Variants in PTPRQ observed in about 807,000 individuals in gnomAD.
PTPRQ encodes the protein phosphatidylinositol phosphatase PTPRQ.
Under a neutral mutation model 246.0 loss-of-function variants are expected in PTPRQ, and 199 were observed. The observed-to-expected ratio is 0.81, with a 90% confidence interval of 0.72 to 0.91. The LOEUF is 0.91. PTPRQ is among the 40% of genes least tolerant of loss of function. The probability of loss-of-function intolerance (pLI) is 0.00; values close to 1 mark genes in which losing one functional copy is unlikely to be tolerated. For synonymous variants in PTPRQ, 869 were observed against 853.2 expected (o/e 1.02, Z -0.32); for missense variants, 2,624 against 2,528.4 (o/e 1.04, Z -0.81).
At chr12:80,477,909 C>T (rs1413516218) in intron 8 of PTPRQ, among the ~76,000 whole-genome samples, 1 of 152,198 alleles carries the variant, frequency 6.6e-6, no homozygotes, top group South Asian at 2.1e-4. Context: ...ATTGCTAGTA[C>T]AGCAGTCTGA....
intron 17 of PTPRQ, among the ~76,000 whole-genome samples, chr12:80,520,135 G>A (rs567260227): frequency 2.0e-5 from 3 of 151,950 alleles, no homozygotes; most frequent in African/African-American, 7.2e-5. Flanking sequence ...TCAGCCTCGT[G>A]GTCTCTATTT....
At chr12:80,577,140 A>G (rs1284370308) in intron 25 of PTPRQ, among the ~76,000 whole-genome samples, 3 of 152,264 alleles carry the variant, frequency 2.0e-5, no homozygotes, top group Admixed American at 1.3e-4. Context: ...TAATGAATTT[A>G]TAAATCAAGC....
At chr12:80,460,095 T>C (rs1340937544) in intron 5 of PTPRQ, among the ~76,000 whole-genome samples, 1 of 152,180 alleles carries the variant, frequency 6.6e-6, no homozygotes, top group Non-Finnish European at 1.5e-5. Flanking sequence ...TTTCCTAAAA[T>C]CATTTTGGTA....
At chr12:80,522,745 T>C (rs1344858999) in intron 17 of PTPRQ, among the ~76,000 whole-genome samples, 1 of 152,218 alleles carries the variant, frequency 6.6e-6, no homozygotes, top group Admixed American at 6.5e-5. Context: ...CTTTTTGATG[T>C]GCTGCTGGAT....
intron 3 of PTPRQ, among the ~76,000 whole-genome samples, chr12:80,453,300 C>T (rs1892841677): frequency 6.6e-6 from 1 of 152,092 alleles, no homozygotes; most frequent in South Asian, 2.1e-4. Context: ...ACTTCTTTGC[C>T]TTTGGTTTGA....
intron 6 of PTPRQ, among the ~76,000 whole-genome samples, chr12:80,464,909 T>C (rs1421515471): frequency 6.7e-4 from 8 of 12,022 alleles, no homozygotes; most frequent in African/African-American, 2.7e-3. Context: ...GCAGGAAAGA[T>C]CCAAAACTGA....
intron 27 of PTPRQ, among the ~76,000 whole-genome samples, chr12:80,608,828 T>C (rs1027055623): frequency 2.0e-5 from 3 of 150,574 alleles, no homozygotes; most frequent in Admixed American, 1.3e-4. Context: ...CCAGGCCCCT[T>C]TACAGAGGTC....
At chr12:80,469,755 G>T (rs975474136) in intron 7 of PTPRQ, among the ~76,000 whole-genome samples, 1 of 152,112 alleles carries the variant, frequency 6.6e-6, no homozygotes, top group Non-Finnish European at 1.5e-5. Flanking sequence ...TCACCCATCC[G>T]ATACACAGAA....
intron 25 of PTPRQ, among the ~76,000 whole-genome samples, chr12:80,580,573 A>G (rs1565798942): frequency 6.6e-6 from 1 of 152,218 alleles, no homozygotes; most frequent in Non-Finnish European, 1.5e-5. Flanking sequence ...AAGATACTGG[A>G]TATAAATGAG....
At chr12:80,620,975 ATTATG>A (rs1466807000) in intron 32 of PTPRQ, among the ~76,000 whole-genome samples, 3 of 151,788 alleles carry the variant, frequency 2.0e-5, no homozygotes, top group Admixed American at 6.6e-5. Flanking sequence ...TTTTGAATTG[ATTATG>A]TTATTTTTGT....
chr12:80,536,987 T>C (rs1490891111), intron 19 of PTPRQ, among the ~76,000 whole-genome samples: 1 of 152,220 alleles, frequency 6.6e-6, no homozygotes, highest in South Asian at 2.1e-4. Context: ...TATCAAACTA[T>C]GGTTCCAACG....
chr12:80,601,234 T>C (rs1236058184), intron 26 of PTPRQ, among the ~76,000 whole-genome samples: 2 of 151,776 alleles, frequency 1.3e-5, no homozygotes, highest in East Asian at 3.9e-4. Context: ...TATATTTTTC[T>C]AATATATATT....
intron 35 of PTPRQ, among the ~76,000 whole-genome samples, chr12:80,635,753 TTAAGA>T (rs1177112428): frequency 6.6e-6 from 1 of 152,136 alleles, no homozygotes; most frequent in Non-Finnish European, 1.5e-5. Flanking sequence ...AACTTGTCTA[TTAAGA>T]TAATTCATCA....
chr12:80,616,637 A>C (rs147492402), intron 30 of PTPRQ, among the ~76,000 whole-genome samples: 33 of 151,296 alleles, frequency 2.2e-4, no homozygotes, highest in African/African-American at 8.0e-4. Flanking sequence ...AGATTATTAG[A>C]TTGTTTGACT....
chr12:80,536,539 CT>C (rs1421554448), intron 19 of PTPRQ, among the ~76,000 whole-genome samples: 2 of 152,142 alleles, frequency 1.3e-5, no homozygotes, highest in Non-Finnish European at 2.9e-5. Flanking sequence ...GAGAAAACTA[CT>C]TTATAAAAGA....
At chr12:80,452,723 A>G (rs1395622777) in intron 3 of PTPRQ, among the ~76,000 whole-genome samples, 2 of 152,192 alleles carry the variant, frequency 1.3e-5, no homozygotes, top group Admixed American at 6.5e-5. Context: ...TAGAGTTTCT[A>G]CTGAGAGATC....
chr12:80,527,544 AC>A (rs1319548759), intron 17 of PTPRQ, among the ~76,000 whole-genome samples: 1 of 152,146 alleles, frequency 6.6e-6, no homozygotes, highest in Non-Finnish European at 1.5e-5. Context: ...TAAATTCCAT[AC>A]TTATAGAAGC....
In PTPRQ at chr12:80,454,649, C is replaced by G. The variant is rs1892911045; in HGVS notation, c.391-2926C>G. 3 of 647,198 alleles carry G rather than the reference C, an allele frequency of 4.6e-6. No individual in the cohort carries two copies. In the South Asian group the frequency reaches 5.3e-5, roughly 11 times the overall value. The allele number at this position is 647,198 out of a possible 1,614,324, so 40.1% of individuals were successfully genotyped here. A position where few individuals can be genotyped will look rare whatever the true frequency, so the allele number is the denominator to read the frequency against. Reference sequence around the variant, plus strand: ...ATTTTGACATATGTTCCTTTGATGCCTACTTTGTTGAGGGTTTTTATCATG... The same window carrying G: ...ATTTTGACATATGTTCCTTTGATGCGTACTTTGTTGAGGGTTTTTATCATG... On this transcript the variant is annotated intron_variant, in intron 3 of 44. Coordinates refer to ENST00000644991, the MANE Select transcript of PTPRQ (RefSeq NM_001145026.2).
intron 25 of PTPRQ, among the ~76,000 whole-genome samples, chr12:80,551,839 A>C (rs1050551853): frequency 6.6e-6 from 1 of 151,748 alleles, no homozygotes; most frequent in African/African-American, 2.4e-5. Context: ...CTCAGAAAAC[A>C]TTTATTAAAC....
Sources: gnomAD v4.1 joint callset for allele counts (sites outside exome capture counted in the v4.1 genomes callset) on GRCh38, gnomAD v4.1.1 for gene constraint, MANE v1.5 for transcripts, NCBI Gene and HGNC (gene_info 2026-07-23, HGNC 2026-07-21) for gene names.